GGCX: variants seen among roughly 807,000 people sequenced by gnomAD.
The protein encoded by GGCX is vitamin K-dependent gamma-carboxylase.
GGCX carries 63 observed loss-of-function variants against 88.5 expected under a neutral mutation model. The ratio of observed to expected loss-of-function variants is 0.71; its 90% CI spans 0.58 to 0.88. The LOEUF (loss-of-function observed/expected upper bound fraction) is 0.88. Among genes scored for constraint, GGCX ranks in the 40% least tolerant of loss-of-function variants. The probability of loss-of-function intolerance (pLI) is 0.00; values close to 1 mark genes in which losing one functional copy is unlikely to be tolerated. For synonymous variants in GGCX, 368 were observed against 365.8 expected, an observed-to-expected ratio of 1.01 and a Z score of -0.07; for missense variants, 805 against 932.9, an observed-to-expected ratio of 0.86 and a Z score of 1.79.
chr2:85,553,605 T>C, intron 7 of GGCX, 108 bp from the exon 8 acceptor site: 1 of 1,109,000 alleles, frequency 9.0e-7, no homozygotes, highest in South Asian at 1.3e-5. Flanking sequence ...GGAAAGTAGT[T>C]CTTCTTTTTT....
rs1692091591 is a variant in GGCX at position 85,553,922 on chromosome 2, A to G, written c.889+221T>C. 6.8e-6 allele frequency: 4 copies of G among 588,110 alleles called. No individual in the cohort carries two copies. In the South Asian group the frequency reaches 7.6e-5, roughly 11 times the overall value. 36.4% of individuals were successfully genotyped at this position (588,110 alleles called of 1,614,324 possible). On this transcript the variant is annotated intron_variant, in intron 7 of 14. Transcript: ENST00000233838. ...GGCCACAAAGTAGTTCTTAACTGTAAGATATTTGTTCTTCCTGGAGATTCC... is the reference window on the plus strand; with the variant it reads ...GGCCACAAAGTAGTTCTTAACTGTAGGATATTTGTTCTTCCTGGAGATTCC...
Position 85,554,392 on chromosome 2 carries a change from TC to T in GGCX, c.726-87del, listed in dbSNP as rs1692113206. The T allele has an allele frequency of 2.5e-6, 3 of 1,219,380 alleles. No homozygotes were observed. In the South Asian group the frequency reaches 3.6e-5, roughly 15 times the overall value. The allele number at this position is 1,219,380 out of a possible 1,614,324, so 75.5% of individuals were successfully genotyped here. ...CACAGCACGAATGTGCCTTGGCTAC[TC>T]CAGTGGCTGGGTAGATGCCTAAGGT... On this transcript the variant is annotated intron_variant, in intron 6 of 14. Transcript: ENST00000233838.
rs770354734 is a variant in GGCX, at chr2:85,558,963, T to C, written c.327A>G (p.Pro109=). ...CAAGATACATCCAGTCAAGTGGCAG[T>C]GGGCGTAGGGCATCCAGCAAGGGGA... ...CRFPLLDALR[P]LPLDWMYLVY... is the part of the protein sequence containing the mutation. The change falls in exon 3 of 15, where the codon CCA becomes CCG. Residue 109 remains proline (P), a synonymous_variant. Coordinates refer to ENST00000233838, the MANE Select transcript of GGCX (RefSeq NM_000821.7). 9.9e-6 allele frequency: 16 copies of C among 1,613,884 alleles called. No individual in the cohort carries two copies. Among genetic ancestry groups the C allele is most frequent in the African/African-American group, 1.3e-5 (1 of 74,980 alleles).
intron 7 of GGCX, chr2:85,553,802 T>C (rs1692086149): frequency 2.2e-6 from 1 of 463,872 alleles, no homozygotes; most frequent in Non-Finnish European, 4.0e-6. Context: ...GGTTTCACCA[T>C]GTTGGTCAGG....
At chr2:85,552,916 A>G in intron 9 of GGCX, 23 bp downstream of exon 9, 1 of 1,613,660 alleles carries the variant, frequency 6.2e-7, no homozygotes, top group Non-Finnish European at 8.5e-7. Flanking sequence ...AGAACAGTAA[A>G]TTGTCAGCAT....
In GGCX at chr2:85,556,189, C is replaced by T. The variant is rs755647704; in HGVS notation, c.611G>A (p.Arg204His). 5 of 1,606,674 alleles carry T rather than the reference C, an allele frequency of 3.1e-6. No individual in the cohort carries two copies. Among genetic ancestry groups the T allele is most frequent in the Non-Finnish European group, 3.4e-6 (4 of 1,173,290 alleles). ...HVPLWNYAVL[R>H]GQIFIVYFIA... ...TGTCCTAAAATGCTGTACCTGGCCACGGAGCACTGCATAGTTCCAAAGGGG... is the reference window on the plus strand; with the variant it reads ...TGTCCTAAAATGCTGTACCTGGCCATGGAGCACTGCATAGTTCCAAAGGGG... The change falls in exon 5 of 15, where the codon CGT becomes CAT. Residue 204 changes from arginine (R) to histidine (H), a missense_variant. Physicochemically the swap from Arg to His is conservative, Grantham distance 29 (BLOSUM62 0). Coordinates refer to ENST00000233838, the MANE Select transcript of GGCX (RefSeq NM_000821.7).
At position 85,556,177 on chromosome 2, in the gene GGCX, T is replaced by C. The variant is rs200623552; in HGVS notation, c.618+5A>G. On this transcript the variant is annotated splice_donor_5th_base_variant and intron_variant, in intron 5 of 14. Coordinates refer to ENST00000233838, the MANE Select transcript of GGCX (RefSeq NM_000821.7). ...AGCTCCTCCCTCTGTCCTAAAATGC[T>C]GTACCTGGCCACGGAGCACTGCATA... 4.7e-4 allele frequency: 743 copies of C among 1,590,922 alleles called. 4 individuals are homozygous for C. The African/African-American group carries it at 8.9e-3, about 19-fold the overall frequency.
In GGCX at chr2:85,548,810, C is replaced by G. The variant is rs1452650503; in HGVS notation, c.*1124G>C. The stretch of plus-strand genomic sequence containing the variant: ...CAACCTACAAAATGTCTAAGCATTC[C>G]CTAATCCCTTACTAAATTTAGTTAA... On this transcript the variant is annotated 3_prime_UTR_variant, in exon 15 of 15. Transcript: ENST00000233838. 1 of 152,182 alleles carries G rather than the reference C, an allele frequency of 6.6e-6. No individual in the cohort carries two copies. Among genetic ancestry groups the G allele is most frequent in the African/African-American group, 2.4e-5 (1 of 41,450 alleles). The allele number at this position is 152,182 out of a possible 1,614,324, so 9.4% of individuals were successfully genotyped here. A position where few individuals can be genotyped will look rare whatever the true frequency, so the allele number is the denominator to read the frequency against.
At chr2:85,556,077 A>G (rs761032921) in intron 5 of GGCX, 105 bp downstream of exon 5, 1 of 770,194 alleles carries the variant, frequency 1.3e-6, no homozygotes, top group Non-Finnish European at 2.3e-6. Context: ...AAAACTAAAA[A>G]CAGAAGATCC....
Position 85,561,407 on chromosome 2 carries a change from C to G in GGCX, c.22G>C (p.Ala8Pro). 1 of 1,572,806 alleles carries G rather than the reference C, an allele frequency of 6.4e-7. No homozygotes were observed. Among genetic ancestry groups the G allele is most frequent in the Non-Finnish European group, 8.6e-7 (1 of 1,159,632 alleles). Reference sequence around the variant, plus strand: ...CTACCTGAGCTGGGCGAGGTCCGCGCGGACCCGGCAGACACCGCCATTGCT... The same window carrying G: ...CTACCTGAGCTGGGCGAGGTCCGCGGGGACCCGGCAGACACCGCCATTGCT... Reference protein sequence around the residue: MAVSAGSARTSPSSDKVQ... With the variant: MAVSAGSPRTSPSSDKVQ... Residue 8 changes from alanine (A) to proline (P), a missense_variant, in exon 1 of 15, where the codon GCG becomes CCG. Physicochemically the swap from Ala to Pro is conservative, Grantham distance 27. This residue lies in a region of GGCX where 64 missense variants were observed against 57.4 expected (regional missense o/e 1.12). Transcript: ENST00000233838.
chr2:85,550,894 G>A (rs1383433090), intron 13 of GGCX, 31 bp downstream of exon 13: 1 of 1,610,920 alleles, frequency 6.2e-7, no homozygotes, highest in Non-Finnish European at 8.5e-7. Flanking sequence ...GAAACCAGAG[G>A]CTATCTCAGC....
chr2:85,559,463 A>G lies in GGCX; in HGVS notation c.215-388T>C, dbSNP rs377112979. On this transcript the variant is annotated intron_variant, in intron 2 of 14. Coordinates refer to ENST00000233838, the MANE Select transcript of GGCX (RefSeq NM_000821.7). ...CACGGTGGCTCACGCCTGTAATCCC[A>G]GCACTTTAGGAGGCTGAGGTGGGCA... Among the ~76,000 whole-genome samples, 30 of 151,900 alleles carry G rather than the reference A, an allele frequency of 2.0e-4. 1 individual carries two copies. The highest frequency in any genetic ancestry group is 5.8e-4 in the African/African-American group (24 of 41,430).
At chr2:85,550,250 C>A (rs932027606) in intron 14 of GGCX, 124 bp from the exon 15 acceptor site, 7 of 743,284 alleles carry the variant, frequency 9.4e-6, no homozygotes, top group East Asian at 5.3e-5. Flanking sequence ...GAATCTCCCC[C>A]CAAGTGACCC....
chr2:85,550,149 C>T, intron 14 of GGCX, 23 bp from the exon 15 acceptor site: 1 of 1,586,738 alleles, frequency 6.3e-7, no homozygotes. Context: ...AAAAAGCCGA[C>T]CAAGTTCAAA....
In GGCX at chr2:85,553,030, C is replaced by T; in HGVS notation, c.1196G>A (p.Trp399Ter). Residue 399 changes from tryptophan (W) to a stop codon, truncating the protein, a stop_gained, in exon 9 of 15, where the codon TGG becomes TAG. Coordinates refer to ENST00000233838, the MANE Select transcript of GGCX (RefSeq NM_000821.7). LOFTEE classifies it high-confidence loss of function. ...GGAGCGGGAGTGCACCATCATGTCC[C>T]AGGAATAGCCATACAGCCCATTTGT... ...NWTNGLYGYS[W>*]DMMVHSRSHQ... 2 of 1,614,174 alleles carry T rather than the reference C, an allele frequency of 1.2e-6. No individual in the cohort carries two copies. Among genetic ancestry groups the T allele is most frequent in the Non-Finnish European group, 1.7e-6 (2 of 1,179,996 alleles).
At position 85,550,971 on chromosome 2, in the gene GGCX, G is replaced by A. The variant is rs138741284; in HGVS notation, c.1842C>T (p.Asp614=). 1.3e-5 allele frequency: 21 copies of A among 1,613,860 alleles called. No individual in the cohort carries two copies. Among genetic ancestry groups the A allele is most frequent in the African/African-American group, 4.0e-5 (3 of 74,904 alleles). The change falls in exon 13 of 15, where the codon GAC becomes GAT. Residue 614 remains aspartate, a synonymous_variant. Coordinates refer to ENST00000233838, the MANE Select transcript of GGCX (RefSeq NM_000821.7). ...VNTTELALEQ[D]LAYLQELKEK... is the part of the protein sequence containing the mutation. ...CCTTTAATTCTTGCAGATATGCCAG[G>A]TCTTGCTCCAGTGCAAGCTCTGTAG...
rs947339536 is a variant in GGCX at position 85,546,380 on chromosome 2, GCCACCACACT to G, written c.*3544_*3553del. 3.3e-5 allele frequency: 5 copies of G among 151,934 alleles called. No homozygotes were observed. Among genetic ancestry groups the G allele is most frequent in the Non-Finnish European group, 5.9e-5 (4 of 68,076 alleles). The allele number at this position is 151,934 out of a possible 1,614,324, so 9.4% of individuals were successfully genotyped here. On this transcript the variant is annotated 3_prime_UTR_variant, in exon 15 of 15. Coordinates refer to ENST00000233838, the MANE Select transcript of GGCX (RefSeq NM_000821.7). ...GGAGCTTGCAGTGAGCTGAAATCGTGCCACCACACTCCGGCCAGGGTAACAGAGTGAGACT... is the reference window on the plus strand; with the variant it reads ...GGAGCTTGCAGTGAGCTGAAATCGTGCCGGCCAGGGTAACAGAGTGAGACT...
At chr2:85,552,294 G>T in intron 10 of GGCX, 122 bp downstream of exon 10, 1 of 978,490 alleles carries the variant, frequency 1.0e-6, no homozygotes, top group Non-Finnish European at 1.6e-6. Flanking sequence ...CCAGATCAAG[G>T]GGGACATGCA....
At position 85,558,491 on chromosome 2, in the gene GGCX, A is replaced by G. The variant is rs1179993331; in HGVS notation, c.488T>C (p.Leu163Pro). 3 of 1,613,588 alleles carry G rather than the reference A, an allele frequency of 1.9e-6. No individual in the cohort carries two copies. Residue 163 changes from leucine (L) to proline (P), a missense_variant, in exon 4 of 15, where the codon CTG becomes CCG. Leu to Pro is a moderately conservative substitution (Grantham distance 98). Around this residue, in one of 3 missense-constraint regions of GGCX, gnomAD observed 680 missense variants for 763.7 expected, o/e 0.89. Transcript: ENST00000233838. The stretch of plus-strand genomic sequence containing the variant: ...TAGCTGAAAGGCCAACAACCCATAC[A>G]GATAGGAGTGGTTGTTCCATGATGT... ...DKTSWNNHSY[L>P]YGLLAFQLTF...
Sources: allele counts gnomAD v4.1 joint callset (sites outside exome capture counted in the v4.1 genomes callset), GRCh38; gene constraint gnomAD v4.1.1; regional missense constraint gnomAD v4.1.1; transcripts MANE v1.5; gene names NCBI Gene and HGNC (gene_info 2026-07-23, HGNC 2026-07-21).